Variants in CDH13 observed in about 807,000 individuals in gnomAD.
CDH13 encodes cadherin-13.
A neutral mutation model predicts 63.8 loss-of-function variants in CDH13; 24 were observed. The ratio of observed to expected loss-of-function variants is 0.38; its 90% CI spans 0.27 to 0.53. The LOEUF (loss-of-function observed/expected upper bound fraction) is 0.53. CDH13 is among the 20% of genes least tolerant of loss of function. CDH13 has a pLI of 0.85. For missense variants in CDH13, 1,049 were observed against 903.1 expected, an observed-to-expected ratio of 1.16 and a Z score of -2.07; for synonymous variants, 503 against 355.3, an observed-to-expected ratio of 1.42 and a Z score of -4.67.
At chr16:82,675,716 C>T (rs1249195530) in intron 1 of CDH13, among the ~76,000 whole-genome samples, 1 of 152,154 alleles carries the variant, frequency 6.6e-6, no homozygotes, top group Admixed American at 6.5e-5. Context: ...CCCTTCCTGC[C>T]TTTCCTACTG....
At chr16:83,122,161 T>C (rs76146886) in intron 3 of CDH13, among the ~76,000 whole-genome samples, 5,437 of 152,332 alleles carry the variant, frequency 0.036, 293 homozygotes, top group African/African-American at 0.12. Context: ...GGAAATGATA[T>C]TCTTTTTCAA....
intron 5 of CDH13, among the ~76,000 whole-genome samples, chr16:83,273,372 T>G (rs1288566664): frequency 1.3e-5 from 2 of 152,006 alleles, no homozygotes; most frequent in Non-Finnish European, 2.9e-5. Context: ...GGTCTTTTGT[T>G]CCCGTCTTAG....
intron 10 of CDH13, among the ~76,000 whole-genome samples, chr16:83,681,497 G>A (rs773017199): frequency 1.3e-5 from 2 of 151,980 alleles, no homozygotes; most frequent in Non-Finnish European, 2.9e-5. Flanking sequence ...GAGCCACAGC[G>A]GCCCACACGT....
intron 6 of CDH13, among the ~76,000 whole-genome samples, chr16:83,355,714 ACTCT>A (rs1285634321): frequency 6.6e-6 from 1 of 152,140 alleles, no homozygotes; most frequent in East Asian, 1.9e-4. Context: ...ATGGATGCTG[ACTCT>A]GTAGAGCTTG....
chr16:82,791,506 A>T (rs1407163686), intron 1 of CDH13, among the ~76,000 whole-genome samples: 1 of 152,102 alleles, frequency 6.6e-6, no homozygotes, highest in Non-Finnish European at 1.5e-5. Flanking sequence ...CTCCCATTGT[A>T]TGGGAGCTCT....
chr16:83,125,820 G>GC (rs1284857703), intron 4 of CDH13, among the ~76,000 whole-genome samples: 1 of 152,050 alleles, frequency 6.6e-6, no homozygotes, highest in Admixed American at 6.5e-5. Context: ...ACCAGATAGG[G>GC]CCCCCTAGGA....
chr16:83,469,506 C>G (rs908163627), intron 6 of CDH13, among the ~76,000 whole-genome samples: 5 of 152,174 alleles, frequency 3.3e-5, no homozygotes, highest in African/African-American at 1.2e-4. Context: ...TAAAGCTATT[C>G]AAGAGTCACC....
intron 3 of CDH13, among the ~76,000 whole-genome samples, chr16:83,111,765 A>G (rs2035068304): frequency 6.6e-6 from 1 of 152,240 alleles, no homozygotes; most frequent in South Asian, 2.1e-4. Context: ...GGCTTCAACA[A>G]GAATTCATAA....
chr16:83,131,699 C>T (rs942186871), intron 4 of CDH13, among the ~76,000 whole-genome samples: 1 of 152,120 alleles, frequency 6.6e-6, no homozygotes. Context: ...TTATGAAATG[C>T]TTATTAGAGA....
intron 1 of CDH13, among the ~76,000 whole-genome samples, chr16:82,801,870 A>C (rs2036870379): frequency 6.6e-6 from 1 of 152,208 alleles, no homozygotes; most frequent in Non-Finnish European, 1.5e-5. Context: ...TTTTGTTCCC[A>C]AACACTCATT....
chr16:83,536,069 T>A (rs2075181578), intron 7 of CDH13, among the ~76,000 whole-genome samples: 1 of 152,100 alleles, frequency 6.6e-6, no homozygotes, highest in Admixed American at 6.5e-5. Flanking sequence ...AGGACAACAT[T>A]TGCATGAACA....
chr16:83,178,002 C>T (rs185027844), intron 4 of CDH13, among the ~76,000 whole-genome samples: 2 of 152,110 alleles, frequency 1.3e-5, no homozygotes, highest in East Asian at 3.9e-4. Flanking sequence ...AGTAGATGGG[C>T]AGGAATAAAG....
intron 10 of CDH13, among the ~76,000 whole-genome samples, chr16:83,707,857 AAG>A (rs1491563075): frequency 5.2e-4 from 73 of 139,942 alleles, no homozygotes; most frequent in African/African-American, 2.0e-3. Flanking sequence ...AAAAAAAAAA[AAG>A]AGCTGGGAAA....
chr16:82,677,214 G>A (rs750280762), intron 1 of CDH13, among the ~76,000 whole-genome samples: 17 of 152,154 alleles, frequency 1.1e-4, no homozygotes, highest in East Asian at 1.9e-4. Flanking sequence ...CTCTCTGTAC[G>A]GAGAAAGGTA....
intron 6 of CDH13, among the ~76,000 whole-genome samples, chr16:83,459,639 T>C (rs2073124332): frequency 2.0e-5 from 3 of 152,256 alleles, no homozygotes; most frequent in Non-Finnish European, 4.4e-5. Context: ...TGACCGTTTT[T>C]CTAATGAAGG....
At chr16:83,056,272 T>C (rs1049544515) in intron 3 of CDH13, among the ~76,000 whole-genome samples, 3 of 152,144 alleles carry the variant, frequency 2.0e-5, no homozygotes, top group Non-Finnish European at 4.4e-5. Context: ...AGCTGAACAT[T>C]CTTGACCTAG....
chr16:82,661,435 T>TA (rs1911933396), intron 1 of CDH13, among the ~76,000 whole-genome samples: 1 of 152,232 alleles, frequency 6.6e-6, no homozygotes, highest in Non-Finnish European at 1.5e-5. Context: ...AATGAGATGT[T>TA]ATTGTGAGTG....
At chr16:83,310,825 T>C (rs574576704) in intron 5 of CDH13, among the ~76,000 whole-genome samples, 2 of 152,288 alleles carry the variant, frequency 1.3e-5, no homozygotes, top group East Asian at 3.9e-4. Context: ...GACTTGCTTC[T>C]GCCTGCAAAA....
chr16:83,071,155 A>C (rs942499592), intron 3 of CDH13, among the ~76,000 whole-genome samples: 2 of 152,192 alleles, frequency 1.3e-5, no homozygotes, highest in Non-Finnish European at 2.9e-5. Flanking sequence ...GGAAAGTGTC[A>C]TTCTGAACAT....
Sources: gnomAD v4.1 joint callset for allele counts (sites outside exome capture counted in the v4.1 genomes callset) on GRCh38, gnomAD v4.1.1 for gene constraint, MANE v1.5 for transcripts, NCBI Gene and HGNC (gene_info 2026-07-23, HGNC 2026-07-21) for gene names.